The following LPIN2 variants were observed in gnomAD, a reference collection of about 807,000 sequenced individuals.
LPIN2 encodes the protein lipin 2, also known as phosphatidate phosphatase LPIN2.
A neutral mutation model predicts 111.4 loss-of-function variants in LPIN2; 55 were observed. The ratio of observed to expected loss-of-function variants is 0.49; its 90% confidence interval spans 0.40 to 0.62. The LOEUF (loss-of-function observed/expected upper bound fraction) is 0.62, where lower values mean the gene tolerates loss of function less well. LPIN2 is among the 20% of genes least tolerant of loss of function. The pLI, the probability that LPIN2 is intolerant of heterozygous loss-of-function variation, is 0.00. For synonymous variants in LPIN2, 425 were observed against 414.0 expected (o/e 1.03, Z -0.32); for missense variants, 992 against 1,112.1 (o/e 0.89, Z 1.54).
At chr18:3,006,799 T>C (rs140880208) in intron 1 of LPIN2, among the ~76,000 whole-genome samples, 72,483 of 150,678 alleles carry the variant, frequency 0.48, 19,102 homozygotes, top group African/African-American at 0.72. Flanking sequence ...ATCGCGCCGC[T>C]GCACTCCAGC....
At chr18:2,972,778 G>A (rs1011395330) in intron 1 of LPIN2, among the ~76,000 whole-genome samples, 1 of 152,136 alleles carries the variant, frequency 6.6e-6, no homozygotes, top group Non-Finnish European at 1.5e-5. Flanking sequence ...AAACTAAATG[G>A]TTCCTGTTCC....
chr18:2,995,103 T>C (rs889886838), intron 1 of LPIN2, among the ~76,000 whole-genome samples: 4 of 152,150 alleles, frequency 2.6e-5, no homozygotes, highest in Non-Finnish European at 5.9e-5. Context: ...GAGGATCCCA[T>C]GAGGTGGTGC....
chr18:2,934,281 T>C (rs2077254017), intron 8 of LPIN2, 70 bp downstream of exon 8: 2 of 1,142,850 alleles, frequency 1.8e-6, no homozygotes, highest in South Asian at 1.3e-5. Context: ...TTTCCTGAGA[T>C]GAAATGTTTT....
intron 1 of LPIN2, among the ~76,000 whole-genome samples, chr18:2,975,668 T>C (rs906858569): frequency 1.3e-5 from 2 of 152,186 alleles, no homozygotes; most frequent in African/African-American, 4.8e-5. Context: ...GTTATGAACA[T>C]AAAAGTGTGT....
chr18:2,944,524 G>C (rs184335545), intron 4 of LPIN2, among the ~76,000 whole-genome samples: 55 of 151,600 alleles, frequency 3.6e-4, no homozygotes, highest in African/African-American at 1.3e-3. Context: ...GCTAATTTTT[G>C]TATTTCTAGT....
chr18:2,978,623 G>A (rs2078057238), intron 1 of LPIN2, among the ~76,000 whole-genome samples: 1 of 152,240 alleles, frequency 6.6e-6, no homozygotes, highest in Admixed American at 6.5e-5. Context: ...ACAGAAAAAG[G>A]ACATTAGTAA....
At chr18:3,010,469 T>G (rs2078584519) in intron 1 of LPIN2, among the ~76,000 whole-genome samples, 2 of 151,998 alleles carry the variant, frequency 1.3e-5, no homozygotes, top group South Asian at 2.1e-4. Flanking sequence ...TGGGTCTCAT[T>G]GAGAAGTATA....
intron 1 of LPIN2, among the ~76,000 whole-genome samples, chr18:2,987,654 T>C (rs758471646): frequency 3.7e-4 from 57 of 152,334 alleles, no homozygotes; most frequent in Non-Finnish European, 6.8e-4. Context: ...GTTGCTGTGA[T>C]CTCTTTCAAT....
In LPIN2 at chr18:3,000,987, GGA is replaced by G. The variant is rs1185665592; in HGVS notation, c.-10+12098_-10+12099del. ...GGGGAAAAAGAGGGGGGAGAGGGAG[GGA>G]GAGAGAGAGAAATTAAAAAGACTTG... is the stretch of plus-strand genomic sequence containing the variant. On this transcript the variant is annotated intron_variant, in intron 1 of 19. Transcript: ENST00000677752. 1.1e-4 allele frequency among the ~76,000 whole-genome samples: 16 copies of G among 149,692 alleles called. 1 individual carries two copies. In the East Asian group the frequency reaches 3.0e-3, roughly 28 times the overall value.
In LPIN2 at chr18:2,937,985, G is replaced by A. The variant is rs752540529; in HGVS notation, c.875C>T (p.Pro292Leu). 1.9e-6 allele frequency: 3 copies of A among 1,614,086 alleles called. No individual in the cohort carries two copies. The highest frequency in any genetic ancestry group is 2.2e-5 in the South Asian group (2 of 91,072). The change falls in exon 7 of 20, where the codon CCA becomes CTA. Residue 292 changes from proline (P) to leucine (L), a missense_variant. Coordinates refer to ENST00000677752, the MANE Select transcript of LPIN2 (RefSeq NM_001375808.2). Reference protein sequence around the residue: ...DHHPRTATITPSENTHFRVIP... With the variant: ...DHHPRTATITLSENTHFRVIP... ...TACCCGAAAATGAGTATTTTCTGAT[G>A]GTGTAATTGTAGCTGTCCTAGGATG...
At chr18:2,959,120 A>G (rs1367248684) in intron 2 of LPIN2, among the ~76,000 whole-genome samples, 1 of 152,186 alleles carries the variant, frequency 6.6e-6, no homozygotes, top group Non-Finnish European at 1.5e-5. Context: ...CTGTTTTGCA[A>G]TGGAAAGTTT....
chr18:2,954,429 TA>T, intron 3 of LPIN2, 74 bp downstream of exon 3: 2 of 1,016,498 alleles, frequency 2.0e-6, no homozygotes, highest in Non-Finnish European at 1.6e-6. Context: ...AAAAAACTGC[TA>T]AACGGTCCGT....
intron 1 of LPIN2, among the ~76,000 whole-genome samples, chr18:3,009,984 G>C (rs1329720758): frequency 6.6e-6 from 1 of 151,986 alleles, no homozygotes; most frequent in South Asian, 2.1e-4. Context: ...CTGAGAAGTT[G>C]AGCAGAGACA....
intron 7 of LPIN2, among the ~76,000 whole-genome samples, chr18:2,935,866 G>T (rs1361544398): frequency 6.6e-6 from 1 of 152,164 alleles, no homozygotes; most frequent in Admixed American, 6.5e-5. Context: ...AGGGGAAAAA[G>T]AATGAGGCCA....
At chr18:2,927,051 A>C (rs1345934397) in intron 12 of LPIN2, among the ~76,000 whole-genome samples, 1 of 152,194 alleles carries the variant, frequency 6.6e-6, no homozygotes, top group African/African-American at 2.4e-5. Context: ...CACCATTTCA[A>C]GTCACAAAAC....
intron 1 of LPIN2, among the ~76,000 whole-genome samples, 190 bp from the exon 2 acceptor site, chr18:2,961,039 G>C (rs1373490820): frequency 6.6e-6 from 1 of 151,988 alleles, no homozygotes; most frequent in Admixed American, 6.6e-5. Flanking sequence ...CGGACCTCCC[G>C]AGACTATTCT....
chr18:2,973,474 A>C (rs759810482), intron 1 of LPIN2, among the ~76,000 whole-genome samples: 1 of 152,254 alleles, frequency 6.6e-6, no homozygotes, highest in Non-Finnish European at 1.5e-5. Flanking sequence ...TCTTTAGCTT[A>C]GCACAGTCCA....
chr18:2,924,649 CA>C (rs1284223152), intron 14 of LPIN2, 103 bp from the exon 15 acceptor site: 12 of 1,260,046 alleles, frequency 9.5e-6, no homozygotes, highest in Middle Eastern at 4.6e-4. Context: ...CAACAAGAGG[CA>C]GGATGGTTTC....
intron 1 of LPIN2, chr18:3,012,035 T>C (rs1377229474): frequency 3.3e-5 from 5 of 152,360 alleles, no homozygotes; most frequent in East Asian, 1.9e-4. Flanking sequence ...TATTTCAAAA[T>C]GTATTTCAAA....
Sources: gnomAD v4.1 joint callset for allele counts (sites outside exome capture counted in the v4.1 genomes callset) on GRCh38, gnomAD v4.1.1 for gene constraint, MANE v1.5 for transcripts, NCBI Gene and HGNC (gene_info 2026-07-23, HGNC 2026-07-21) for gene names.